The following CASP9 variants were observed in gnomAD, a reference collection of about 807,000 sequenced individuals.
CASP9 encodes the protein caspase-9.
CASP9 carries 29 observed loss-of-function variants against 43.5 expected under a neutral mutation model. The observed-to-expected ratio is 0.67, with a 90% CI of 0.50 to 0.91. The LOEUF is 0.91. Among genes scored for constraint, CASP9 ranks in the 40% least tolerant of loss-of-function variants. The pLI, the probability that CASP9 is intolerant of heterozygous loss-of-function variation, is 0.00. For synonymous variants in CASP9, 206 were observed against 211.9 expected, an observed-to-expected ratio of 0.97 and a Z score of 0.24; for missense variants, 575 against 537.4, an observed-to-expected ratio of 1.07 and a Z score of -0.69.
upstream of CASP9, chr1:15,524,410 A>G: frequency 7.8e-7 from 1 of 1,280,218 alleles, no homozygotes; most frequent in Non-Finnish European, 9.8e-7. Context: ...CGCCCTCAGG[A>G]CGCACCTCTG....
At chr1:15,497,533 C>T (rs1436699998) in intron 6 of CASP9, among the ~76,000 whole-genome samples, 1 of 151,722 alleles carries the variant, frequency 6.6e-6, no homozygotes, top group African/African-American at 2.4e-5. Context: ...ATCCCAGCTA[C>T]TCAGGAGGCT....
At chr1:15,521,492 G>A (rs558987608) in intron 1 of CASP9, among the ~76,000 whole-genome samples, 11 of 152,198 alleles carry the variant, frequency 7.2e-5, no homozygotes, top group African/African-American at 2.4e-4. Context: ...CATAGATAGC[G>A]GTAGAAGAAA....
At chr1:15,504,833 T>C (rs1290816254) in intron 5 of CASP9, 75 bp from the exon 6 acceptor site, 7 of 1,474,444 alleles carry the variant, frequency 4.7e-6, no homozygotes, top group Non-Finnish European at 6.5e-6. Context: ...AGAGGTTTTG[T>C]GGGAGCCAAG....
At chr1:15,507,234 A>G in intron 3 of CASP9, 159 bp from the exon 4 acceptor site, 2 of 695,280 alleles carry the variant, frequency 2.9e-6, no homozygotes, top group Non-Finnish European at 4.8e-6. Flanking sequence ...TGCAGGGAAG[A>G]CTAGCACTAG....
intron 1 of CASP9, among the ~76,000 whole-genome samples, chr1:15,521,355 G>A (rs547446002): frequency 6.6e-6 from 1 of 152,052 alleles, no homozygotes; most frequent in African/African-American, 2.4e-5. Context: ...TGGGAGGCTG[G>A]ATATTATCCA....
At position 15,509,323 on chromosome 1, in the gene CASP9, C is replaced by T. The variant is rs568353531; in HGVS notation, c.419-1416G>A. On this transcript the variant is annotated intron_variant, in intron 2 of 8. Transcript: ENST00000333868. ...ACTGATACACGCAATGCGGGATAAC[C>T]TTGAAAATGTGCTGCGTAAGGCCAG... Among the ~76,000 whole-genome samples, 3 of 152,126 alleles carry T rather than the reference C, an allele frequency of 2.0e-5. No individual in the cohort carries two copies. The South Asian group carries it at 6.2e-4, about 32-fold the overall frequency.
At chr1:15,517,353 T>G (rs1285715287) in intron 2 of CASP9, among the ~76,000 whole-genome samples, 2 of 152,056 alleles carry the variant, frequency 1.3e-5, no homozygotes, top group African/African-American at 4.8e-5. Context: ...GGATTTATAT[T>G]GAAGTTTAAG....
At chr1:15,504,587 G>A (rs1443407311) in intron 6 of CASP9, 24 bp downstream of exon 6, 2 of 1,601,322 alleles carry the variant, frequency 1.2e-6, no homozygotes, top group African/African-American at 2.7e-5. Flanking sequence ...GACCCACCCA[G>A]AGGGAGGCTG....
chr1:15,524,235 G>C, upstream of CASP9: 1 of 1,527,930 alleles, frequency 6.5e-7, no homozygotes, highest in Non-Finnish European at 8.7e-7. Flanking sequence ...GGCCGCCTCA[G>C]TCCGCTTCCG....
chr1:15,501,870 C>T (rs970532723), intron 6 of CASP9, among the ~76,000 whole-genome samples: 4 of 152,066 alleles, frequency 2.6e-5, no homozygotes, highest in African/African-American at 9.7e-5. Flanking sequence ...CTCCAGGGCT[C>T]AAGCGATCTT....
At chr1:15,506,531 G>A (rs2103350497) in intron 4 of CASP9, among the ~76,000 whole-genome samples, 1 of 152,106 alleles carries the variant, frequency 6.6e-6, no homozygotes, top group Non-Finnish European at 1.5e-5. Flanking sequence ...CGGTTTCCCA[G>A]GGCCAGTACC....
intron 2 of CASP9, among the ~76,000 whole-genome samples, chr1:15,512,443 T>G (rs1416880328): frequency 2.6e-5 from 4 of 152,130 alleles, no homozygotes; most frequent in Non-Finnish European, 5.9e-5. Flanking sequence ...ATGGGAGAAT[T>G]TGATCTCTCT....
chr1:15,495,449 T>C lies in CASP9; in HGVS notation c.872A>G (p.Gln291Arg), dbSNP rs1709071841. ...LFFIQACGGEQKDHGFEVAST... is the reference protein window; with the variant it reads ...LFFIQACGGERKDHGFEVAST... ...GGCCACCTCAAACCCATGGTCTTTC[T>C]GCTCTGCAGGAAGCAGAAACAAACA... The change falls in exon 7 of 9, where the codon CAG becomes CGG. Residue 291 changes from glutamine (Q) to arginine (R), a missense_variant. Transcript: ENST00000333868. 6.3e-7 allele frequency: 1 copy of C among 1,582,866 alleles called. No homozygotes were observed. Among genetic ancestry groups the C allele is most frequent in the Admixed American group, 1.9e-5 (1 of 52,614 alleles).
chr1:15,524,381 C>A (rs1710358998), upstream of CASP9: 3 of 1,371,518 alleles, frequency 2.2e-6, no homozygotes, highest in Non-Finnish European at 2.8e-6. Flanking sequence ...CCCCAGGAGT[C>A]GCTCTTGCGT....
At chr1:15,493,434 ATCAGGCCAC>A in intron 8 of CASP9, 1 of 1,245,840 alleles carries the variant, frequency 8.0e-7, no homozygotes, top group Non-Finnish European at 1.0e-6. Flanking sequence ...GACTGGGCCT[ATCAGGCCAC>A]CCTTCCCTAT....
intron 1 of CASP9, among the ~76,000 whole-genome samples, chr1:15,523,132 C>A (rs1288899441): frequency 6.6e-6 from 1 of 152,186 alleles, no homozygotes; most frequent in East Asian, 1.9e-4. Flanking sequence ...TTAAACAAAA[C>A]CTCAAATGTT....
At chr1:15,523,692 C>T (rs1293396581) in intron 1 of CASP9, among the ~76,000 whole-genome samples, 1 of 152,130 alleles carries the variant, frequency 6.6e-6, no homozygotes, top group Non-Finnish European at 1.5e-5. Context: ...AATTTTGTAA[C>T]TGCAAACCAA....
chr1:15,505,169 G>C (rs1709471576), intron 5 of CASP9, among the ~76,000 whole-genome samples: 1 of 152,268 alleles, frequency 6.6e-6, no homozygotes, highest in African/African-American at 2.4e-5. Context: ...GCTGAGAGTG[G>C]CTGCTTTAAA....
rs1164406192 is a variant in CASP9 at position 15,517,887 on chromosome 1, A to AACAAAG, written c.418+222_418+223insCTTTGT. On this transcript the variant is annotated intron_variant, in intron 2 of 8. Coordinates refer to ENST00000333868, the MANE Select transcript of CASP9 (RefSeq NM_001229.5). ...GAAAAAAAACAAAAACAAAAACAAA[A>AACAAAG]AACCTGGGACATCCAAAACAGACCT... Among the ~76,000 whole-genome samples the AACAAAG allele has an allele frequency of 2.1e-4, 32 of 152,210 alleles. No homozygotes were observed. The South Asian group carries it at 6.6e-3, about 32-fold the overall frequency.
Sources: allele counts gnomAD v4.1 joint callset (sites outside exome capture counted in the v4.1 genomes callset), GRCh38; gene constraint gnomAD v4.1.1; transcripts MANE v1.5; gene names NCBI Gene and HGNC (gene_info 2026-07-23, HGNC 2026-07-21).